The following PNPLA7 variants were observed in gnomAD, a reference collection of about 807,000 sequenced individuals.
PNPLA7 encodes the protein patatin-like phospholipase domain-containing protein 7.
PNPLA7 carries 153 observed loss-of-function variants against 161.7 expected under a neutral mutation model. The observed-to-expected ratio is 0.95, with a 90% CI of 0.83 to 1.08. The LOEUF (loss-of-function observed/expected upper bound fraction) is 1.08, where lower values mean the gene tolerates loss of function less well. Among genes scored for constraint, PNPLA7 ranks in the 50% least tolerant of loss-of-function variants. The pLI, the probability that PNPLA7 is intolerant of heterozygous loss-of-function variation, is 0.00. For missense variants in PNPLA7, 1,739 were observed against 1,856.6 expected (o/e 0.94, Z 1.16); for synonymous variants, 809 against 782.1 (o/e 1.03, Z -0.57).
At chr9:137,550,129 A>G (rs986395401) in intron 1 of PNPLA7, 39 bp downstream of exon 1, 11 of 1,611,986 alleles carry the variant, frequency 6.8e-6, no homozygotes, top group Admixed American at 1.7e-5. Context: ...ATGCCCCCCA[A>G]CTGGGAAATC....
chr9:137,499,139 C>T lies in PNPLA7; in HGVS notation c.1758-894G>A, dbSNP rs2132273109. Among the ~76,000 whole-genome samples the T allele has an allele frequency of 6.6e-6, 1 of 151,914 alleles. No homozygotes were observed. The highest frequency in any genetic ancestry group is 1.9e-4 in the East Asian group (1 of 5,166). ...AGGCAGACACACAGACACACACAGA[C>T]ACACGGAGACAGAGACACTCGCAGA... is the stretch of plus-strand genomic sequence containing the variant. On this transcript the variant is annotated intron_variant, in intron 16 of 34. Coordinates refer to ENST00000406427, the MANE Select transcript of PNPLA7 (RefSeq NM_001098537.3). This position sits in a 1 kb window ranked among gnomAD's most constrained non-coding sequence, Gnocchi z 5.5.
At chr9:137,550,016 G>T in intron 1 of PNPLA7, 152 bp downstream of exon 1, 1 of 870,486 alleles carries the variant, frequency 1.1e-6, no homozygotes, top group Non-Finnish European at 1.9e-6. Flanking sequence ...GCAGCAGAGA[G>T]GGGCCAGATC....
chr9:137,518,023 C>G (rs1269833869), intron 11 of PNPLA7, among the ~76,000 whole-genome samples: 11 of 119,742 alleles, frequency 9.2e-5, no homozygotes, highest in Admixed American at 1.6e-4. Context: ...CCCACTCACT[C>G]ACTCGACTCT....
chr9:137,521,214 G>A (rs1163975196), intron 10 of PNPLA7, among the ~76,000 whole-genome samples: 2 of 152,168 alleles, frequency 1.3e-5, no homozygotes, highest in East Asian at 1.9e-4. Flanking sequence ...GGGAAGGAGC[G>A]TGTGTGTGGC....
chr9:137,498,351 C>T (rs900510691), intron 16 of PNPLA7, 106 bp from the exon 17 acceptor site: 8 of 1,505,004 alleles, frequency 5.3e-6, no homozygotes, highest in African/African-American at 1.4e-5. Flanking sequence ...CCACCCCACC[C>T]GGAAAGTAGA....
At position 137,500,290 on chromosome 9, in the gene PNPLA7, C is replaced by T. The variant is rs966902376; in HGVS notation, c.1757+401G>A. ...ACCTCCGCATCACTGGCTCCCGACACGTCAGCCCAGGCTGCAGAGGTGGGA... is the reference window on the plus strand; with the variant it reads ...ACCTCCGCATCACTGGCTCCCGACATGTCAGCCCAGGCTGCAGAGGTGGGA... On this transcript the variant is annotated intron_variant, in intron 16 of 34. Coordinates refer to ENST00000406427, the MANE Select transcript of PNPLA7 (RefSeq NM_001098537.3). The surrounding 1 kb of genome is among the most constrained non-coding windows in gnomAD (Gnocchi z 5.5). Among the ~76,000 whole-genome samples the T allele has an allele frequency of 3.3e-5, 5 of 152,352 alleles. No individual in the cohort carries two copies. The highest frequency in any genetic ancestry group is 4.8e-5 in the African/African-American group (2 of 41,570).
At chr9:137,514,742 C>T in intron 12 of PNPLA7, among the ~76,000 whole-genome samples, 1 of 140,082 alleles carries the variant, frequency 7.1e-6, no homozygotes, top group African/African-American at 2.8e-5. Context: ...GGTGGGTCAC[C>T]TGGCTGTTGA....
intron 26 of PNPLA7, 102 bp from the exon 27 acceptor site, chr9:137,464,558 T>C: frequency 9.4e-7 from 1 of 1,063,166 alleles, no homozygotes. Flanking sequence ...GGAACGGGGG[T>C]CCAGAGTGTC....
At chr9:137,475,573 A>T (rs1831911102) in intron 25 of PNPLA7, among the ~76,000 whole-genome samples, 1 of 151,902 alleles carries the variant, frequency 6.6e-6, no homozygotes, top group Non-Finnish European at 1.5e-5. Context: ...ATGGGGTTTC[A>T]CCATGTTAGC....
At chr9:137,462,556 G>C (rs1455256074) in intron 30 of PNPLA7, 129 bp downstream of exon 30, 13 of 1,420,216 alleles carry the variant, frequency 9.2e-6, no homozygotes, top group Middle Eastern at 2.4e-4. Context: ...AGGCAGGGGT[G>C]GTGAGGGGTG....
At position 137,464,446 on chromosome 9, in the gene PNPLA7, G is replaced by T. The variant is rs1329469820; in HGVS notation, c.3050C>A (p.Ser1017Tyr). 6.2e-7 allele frequency: 1 copy of T among 1,613,674 alleles called. No homozygotes were observed. Among genetic ancestry groups the T allele is most frequent in the Non-Finnish European group, 8.5e-7 (1 of 1,179,954 alleles). Residue 1017 changes from serine (S) to tyrosine (Y), a missense_variant, in exon 27 of 35, where the codon TCC becomes TAC. Transcript: ENST00000406427. ...RAKQWAEGMT[S>Y]LMKAALDLTY... Reference sequence around the variant, plus strand: ...GAGGTCCAGCGCGGCCTTCATCAAGGACGTCATGCCCTGGGGCCACATGTG... The same window carrying T: ...GAGGTCCAGCGCGGCCTTCATCAAGTACGTCATGCCCTGGGGCCACATGTG...
rs1424242473 is a variant in PNPLA7 at position 137,498,124 on chromosome 9, C to T, written c.1879G>A (p.Ala627Thr). ...CACCCACGGCCTCACCTGTATATTG[C>T]TCGCCCGGCCTCCACCTCCACCCAG... ...LDWVEVEAGRAIYRQGDKSDC... is the reference protein window; with the variant it reads ...LDWVEVEAGRTIYRQGDKSDC... The change falls in exon 17 of 35, where the codon GCA becomes ACA. Residue 627 changes from alanine to threonine, a missense_variant. Transcript: ENST00000406427. The T allele has an allele frequency of 1.9e-6, 3 of 1,612,960 alleles. No individual in the cohort carries two copies.
At chr9:137,527,180 T>C (rs1433072333) in intron 8 of PNPLA7, among the ~76,000 whole-genome samples, 1 of 132,882 alleles carries the variant, frequency 7.5e-6, no homozygotes, top group East Asian at 3.5e-4. Flanking sequence ...GGCAGGAGAA[T>C]TGCTTGAATC....
At chr9:137,487,015 G>C (rs937292805) in intron 20 of PNPLA7, among the ~76,000 whole-genome samples, 3 of 141,060 alleles carry the variant, frequency 2.1e-5, no homozygotes, top group Non-Finnish European at 3.0e-5. Flanking sequence ...TTGCCTTCTT[G>C]GTCCAATTTC....
Position 137,540,997 on chromosome 9 carries a change from G to A in PNPLA7, c.667-275C>T. 1 of 413,416 alleles carries A rather than the reference G, an allele frequency of 2.4e-6. No individual in the cohort carries two copies. 25.6% of individuals were successfully genotyped at this position (413,416 alleles called of 1,614,324 possible). On this transcript the variant is annotated intron_variant, in intron 7 of 34. Coordinates refer to ENST00000406427, the MANE Select transcript of PNPLA7 (RefSeq NM_001098537.3). This position sits in a 1 kb window ranked among gnomAD's most constrained non-coding sequence, Gnocchi z 5.1. ...CTTCAATGTGGGGACTGAGGCAAAA[G>A]CTCGCAGAGCCTGTTTGTTTGCTGA...
chr9:137,463,148 C>T lies in PNPLA7; in HGVS notation c.3343+267G>A, dbSNP rs187632381. 30 of 587,336 alleles carry T rather than the reference C, an allele frequency of 5.1e-5. 1 individual carries two copies. The East Asian group carries it at 5.1e-4, about 10-fold the overall frequency. The allele number at this position is 587,336 out of a possible 1,614,324, so 36.4% of individuals were successfully genotyped here. On this transcript the variant is annotated intron_variant, in intron 29 of 34. Coordinates refer to ENST00000406427, the MANE Select transcript of PNPLA7 (RefSeq NM_001098537.3). ...TGGGGCTTAATTGCTCCCAGTTCCTCGACTTGGCCTTTGTTCTGCATGCTG... is the reference window on the plus strand; with the variant it reads ...TGGGGCTTAATTGCTCCCAGTTCCTTGACTTGGCCTTTGTTCTGCATGCTG...
chr9:137,469,653 A>G lies in PNPLA7; in HGVS notation c.2883-2180T>C, dbSNP rs535506466. Among the ~76,000 whole-genome samples, 6 of 152,356 alleles carry G rather than the reference A, an allele frequency of 3.9e-5. No individual in the cohort carries two copies. In the South Asian group the frequency reaches 1.0e-3, roughly 26 times the overall value. ...CTCGTCTAAATGTTAGGGAAAAAAG[A>G]ACAACTTAAATAAAAGAGTAAAATT... is the stretch of plus-strand genomic sequence containing the variant. On this transcript the variant is annotated intron_variant, in intron 25 of 34. Transcript: ENST00000406427.
chr9:137,462,181 A>T lies in PNPLA7; in HGVS notation c.3643T>A (p.Cys1215Ser). ...TLDFGKFNEI[C>S]EVGYQHGRTV... ...CGCCGCGGGTGGCCGGCACTCACGC[A>T]GATCTCGTTGAACTTGCCGAAGTCC... Residue 1215 changes from cysteine to serine, a missense_variant and splice_region_variant, in exon 31 of 35, where the codon TGC becomes AGC. Around this residue, in one of 6 missense-constraint regions of PNPLA7, gnomAD observed 703 missense variants for 694.6 expected, o/e 1.01. Transcript: ENST00000406427. 1.9e-6 allele frequency: 3 copies of T among 1,563,764 alleles called. No homozygotes were observed. Among genetic ancestry groups the T allele is most frequent in the Non-Finnish European group, 2.6e-6 (3 of 1,151,012 alleles).
At chr9:137,539,759 A>C (rs1273221152) in intron 8 of PNPLA7, among the ~76,000 whole-genome samples, 1 of 152,200 alleles carries the variant, frequency 6.6e-6, no homozygotes, top group Non-Finnish European at 1.5e-5. Flanking sequence ...AAATCATGAG[A>C]CAACATGATA....
Sources: gnomAD v4.1 joint callset for allele counts (sites outside exome capture counted in the v4.1 genomes callset) on GRCh38, gnomAD v4.1.1 for gene constraint, gnomAD v4.1.1 regional missense constraint, Gnocchi (gnomAD v3.1) non-coding constraint, MANE v1.5 for transcripts, NCBI Gene and HGNC (gene_info 2026-07-23, HGNC 2026-07-21) for gene names.